FRMD3: variants seen among roughly 807,000 people sequenced by gnomAD.
FRMD3 encodes FERM domain containing 3.
FRMD3 carries 33 observed loss-of-function variants against 70.2 expected under a neutral mutation model. The ratio of observed to expected loss-of-function variants is 0.47; its 90% confidence interval spans 0.36 to 0.63. The LOEUF is 0.63. Among genes scored for constraint, FRMD3 ranks in the 20% least tolerant of loss-of-function variants. The pLI, the probability that FRMD3 is intolerant of heterozygous loss-of-function variation, is 0.00. For synonymous variants in FRMD3, 279 were observed against 255.9 expected (o/e 1.09, Z -0.86); for missense variants, 632 against 711.4 (o/e 0.89, Z 1.27).
intron 4 of FRMD3, 54 bp downstream of exon 4, chr9:83,349,625 G>C (rs1824077516): frequency 7.6e-7 from 1 of 1,312,574 alleles, no homozygotes; most frequent in Admixed American, 1.8e-5. Context: ...CAAGACCAAA[G>C]AGATTCTGGC....
rs138847628 is a variant in FRMD3 at position 83,335,722 on chromosome 9, A to G, written c.473-83T>C. ...GGGTGCATATGGAGTGCCTCCTGCC[A>G]TCCAAAAGAAGAGGCTGGAATAAAC... On this transcript the variant is annotated intron_variant, in intron 5 of 13. Coordinates refer to ENST00000304195, the MANE Select transcript of FRMD3 (RefSeq NM_174938.6). 3,149 of 1,211,160 alleles carry G rather than the reference A, an allele frequency of 2.6e-3. 9 individuals are homozygous for G. Among genetic ancestry groups the G allele is most frequent in the Non-Finnish European group, 3.1e-3 (2,722 of 866,940 alleles). 75.0% of individuals were successfully genotyped at this position (1,211,160 alleles called of 1,614,324 possible). A position where few individuals can be genotyped will look rare whatever the true frequency, so the allele number is the denominator to read the frequency against.
intron 1 of FRMD3, among the ~76,000 whole-genome samples, chr9:83,421,138 C>T (rs1826629049): frequency 6.6e-6 from 1 of 151,200 alleles, no homozygotes; most frequent in Non-Finnish European, 1.5e-5. Flanking sequence ...GGCGGGGTTT[C>T]ACTGTGTTAG....
chr9:83,312,489 G>A (rs980268536), intron 7 of FRMD3, among the ~76,000 whole-genome samples: 1 of 152,056 alleles, frequency 6.6e-6, no homozygotes, highest in African/African-American at 2.4e-5. Flanking sequence ...GATAAGTGAA[G>A]GCAAAGGAAT....
At chr9:83,250,588 T>C (rs1352309118) in intron 13 of FRMD3, among the ~76,000 whole-genome samples, 1 of 152,036 alleles carries the variant, frequency 6.6e-6, no homozygotes, top group Non-Finnish European at 1.5e-5. Flanking sequence ...TAGGTTGGAG[T>C]CTGCTTGAGG....
intron 1 of FRMD3, among the ~76,000 whole-genome samples, chr9:83,461,981 C>A (rs1028280232): frequency 6.6e-6 from 1 of 152,082 alleles, no homozygotes; most frequent in Admixed American, 6.5e-5. Context: ...GCCACCAATG[C>A]CTGGCAGCAA....
intron 6 of FRMD3, among the ~76,000 whole-genome samples, chr9:83,334,679 T>C (rs958252819): frequency 6.6e-6 from 1 of 152,160 alleles, no homozygotes; most frequent in African/African-American, 2.4e-5. Flanking sequence ...ACTAGACTAC[T>C]TGAATTACCT....
At chr9:83,343,617 T>C (rs1019649233) in intron 4 of FRMD3, among the ~76,000 whole-genome samples, 2 of 152,198 alleles carry the variant, frequency 1.3e-5, no homozygotes, top group African/African-American at 4.8e-5. Flanking sequence ...AGGACAGCCA[T>C]GGCCACCGTC....
At chr9:83,271,148 T>G (rs1304971900) in intron 13 of FRMD3, among the ~76,000 whole-genome samples, 2 of 152,168 alleles carry the variant, frequency 1.3e-5, no homozygotes, top group African/African-American at 4.8e-5. Context: ...TATAATTATA[T>G]CATCATCAAT....
At chr9:83,470,849 G>A (rs1009976795) in intron 1 of FRMD3, among the ~76,000 whole-genome samples, 1 of 152,200 alleles carries the variant, frequency 6.6e-6, no homozygotes, top group Admixed American at 6.5e-5. Context: ...TTCACTTTAG[G>A]GTGATTCTCC....
At chr9:83,331,782 CAACTCTATT>C in intron 6 of FRMD3, 1 of 687,744 alleles carries the variant, frequency 1.5e-6, no homozygotes, top group Admixed American at 2.5e-5. Flanking sequence ...AAAAGAAAAA[CAACTCTATT>C]AGTCAATGAG....
intron 1 of FRMD3, among the ~76,000 whole-genome samples, chr9:83,415,653 A>G (rs1466210474): frequency 7.9e-4 from 110 of 140,000 alleles, no homozygotes; most frequent in African/African-American, 2.7e-3. Context: ...CTAGAGACAG[A>G]GTTTCACTGT....
At chr9:83,372,823 T>A in intron 3 of FRMD3, 90 bp downstream of exon 3, 1 of 1,183,958 alleles carries the variant, frequency 8.4e-7, no homozygotes, top group Non-Finnish European at 1.3e-6. Context: ...TTCAACTCTA[T>A]TATTCCCCTG....
At chr9:83,284,511 G>A (rs925692218) in intron 13 of FRMD3, among the ~76,000 whole-genome samples, 11 of 152,192 alleles carry the variant, frequency 7.2e-5, no homozygotes, top group Admixed American at 1.3e-4. Context: ...GGGAGGCTGA[G>A]GCAGGAGAAT....
intron 1 of FRMD3, among the ~76,000 whole-genome samples, chr9:83,409,245 G>A (rs370922537): frequency 1.2e-4 from 18 of 152,164 alleles, no homozygotes; most frequent in African/African-American, 3.6e-4. Context: ...GAAGCCAGGC[G>A]CATTGAACTG....
chr9:83,430,365 T>A (rs1564073726), intron 1 of FRMD3, among the ~76,000 whole-genome samples: 1 of 152,230 alleles, frequency 6.6e-6, no homozygotes, highest in Non-Finnish European at 1.5e-5. Context: ...CTGAGTGATC[T>A]GTACCAGCCA....
chr9:83,493,364 C>T (rs1175352748), intron 1 of FRMD3, among the ~76,000 whole-genome samples: 1 of 152,188 alleles, frequency 6.6e-6, no homozygotes, highest in Non-Finnish European at 1.5e-5. Context: ...TGCAGGAAAA[C>T]AAGGCAGAAT....
At chr9:83,529,916 C>G (rs1030865679) in intron 1 of FRMD3, among the ~76,000 whole-genome samples, 2 of 152,128 alleles carry the variant, frequency 1.3e-5, no homozygotes, top group African/African-American at 4.8e-5. Context: ...CAGAGAAATG[C>G]AAATCAAAAC....
chr9:83,480,918 G>A (rs567968124), intron 1 of FRMD3, among the ~76,000 whole-genome samples: 2 of 152,144 alleles, frequency 1.3e-5, no homozygotes, highest in Non-Finnish European at 2.9e-5. Flanking sequence ...GATGCTGAAG[G>A]ACAACTGTAA....
At chr9:83,331,954 A>AGTGCT in intron 6 of FRMD3, 1 of 708,478 alleles carries the variant, frequency 1.4e-6, no homozygotes, top group Non-Finnish European at 2.6e-6. Flanking sequence ...TCACTTCCGA[A>AGTGCT]ATGAAGCATG....
Sources: gnomAD v4.1 joint callset for allele counts (sites outside exome capture counted in the v4.1 genomes callset) on GRCh38, gnomAD v4.1.1 for gene constraint, MANE v1.5 for transcripts, NCBI Gene and HGNC (gene_info 2026-07-23, HGNC 2026-07-21) for gene names.